The following CLVS1 variants were observed in gnomAD, a reference collection of about 807,000 sequenced individuals.
CLVS1 encodes clavesin-1.
A neutral mutation model predicts 33.1 loss-of-function variants in CLVS1; 10 were observed. That is an observed-to-expected ratio of 0.30 (90% CI 0.19 to 0.51). CLVS1 has a LOEUF of 0.51. Among genes scored for constraint, CLVS1 ranks in the 20% least tolerant of loss-of-function variants. The probability of loss-of-function intolerance (pLI) is 0.97; values close to 1 mark genes in which losing one functional copy is unlikely to be tolerated. For missense variants in CLVS1, 343 were observed against 433.4 expected (o/e 0.79, Z 1.85); for synonymous variants, 163 against 166.1 (o/e 0.98, Z 0.14).
At chr8:61,385,116 A>AGAAGT (rs1814029339) in intron 3 of CLVS1, among the ~76,000 whole-genome samples, 1 of 152,202 alleles carries the variant, frequency 6.6e-6, no homozygotes, top group Non-Finnish European at 1.5e-5. Context: ...TGGTGGTGGA[A>AGAAGT]GAAGTATTCC....
chr8:61,295,465 G>A (rs763911899), intron 1 of CLVS1, among the ~76,000 whole-genome samples: 5 of 152,284 alleles, frequency 3.3e-5, no homozygotes, highest in Middle Eastern at 3.4e-3. Flanking sequence ...TCCAATGAAG[G>A]AAGGAGGAAA....
chr8:61,146,319 C>T (rs1037434161), intron 2 of CLVS1, among the ~76,000 whole-genome samples: 1 of 152,172 alleles, frequency 6.6e-6, no homozygotes, highest in Non-Finnish European at 1.5e-5. Context: ...CCAAGTTTAA[C>T]CCCTATTTAG....
At chr8:61,177,322 A>T (rs984496679) in intron 2 of CLVS1, among the ~76,000 whole-genome samples, 12 of 152,042 alleles carry the variant, frequency 7.9e-5, no homozygotes, top group African/African-American at 2.9e-4. Context: ...CAGGGTCAGA[A>T]CTCTGATCTC....
chr8:61,449,787 C>T (rs1477775690), intron 3 of CLVS1, among the ~76,000 whole-genome samples: 1 of 152,108 alleles, frequency 6.6e-6, no homozygotes, highest in African/African-American at 2.4e-5. Context: ...CTATTGTGTC[C>T]TTCCTTGATC....
chr8:61,220,799 A>C (rs937800818), intron 2 of CLVS1, among the ~76,000 whole-genome samples: 2 of 152,060 alleles, frequency 1.3e-5, no homozygotes, highest in African/African-American at 2.4e-5. Context: ...TGAGCATGGA[A>C]TGTTTTTCCA....
chr8:61,191,811 A>T (rs988946768), intron 2 of CLVS1, among the ~76,000 whole-genome samples: 1 of 152,170 alleles, frequency 6.6e-6, no homozygotes, highest in Non-Finnish European at 1.5e-5. Context: ...TAGGAATCCA[A>T]CTTACAAGGG....
rs189268361 is a variant in CLVS1, at chr8:61,138,660, C to A, written c.-152+6800C>A. On this transcript the variant is annotated intron_variant, in intron 2 of 2. Coordinates refer to the CLVS1 transcript ENST00000522621. ...TGGGGGGATAGGGGTCCAGTGGGTC[C>A]CCAGGAGTCCAGCGCTGGCAGTGGT... is the stretch of plus-strand genomic sequence containing the variant. 2.5e-3 allele frequency among the ~76,000 whole-genome samples: 378 copies of A among 151,886 alleles called. 1 individual carries two copies. The highest frequency in any genetic ancestry group is 5.5e-3 in the Admixed American group (84 of 15,282).
the CLVS1 span, among the ~76,000 whole-genome samples, chr8:61,048,092 T>G: frequency 1.3e-5 from 2 of 152,184 alleles, no homozygotes; most frequent in Non-Finnish European, 2.9e-5. Context: ...TTTGGGGTTT[T>G]GATGCACCTC....
At chr8:61,151,761 C>T (rs974177451) in intron 2 of CLVS1, among the ~76,000 whole-genome samples, 5 of 152,150 alleles carry the variant, frequency 3.3e-5, no homozygotes, top group Admixed American at 2.0e-4. Context: ...ACAAGTGGCT[C>T]GCAAATATTT....
upstream of CLVS1, among the ~76,000 whole-genome samples, chr8:61,283,558 G>C (rs1487741029): frequency 6.6e-6 from 1 of 152,124 alleles, no homozygotes; most frequent in Non-Finnish European, 1.5e-5. Context: ...ACCACTTCTA[G>C]GAGTGAGTGA....
chr8:61,297,524 A>G (rs1182200001), intron 1 of CLVS1, among the ~76,000 whole-genome samples: 1 of 152,196 alleles, frequency 6.6e-6, no homozygotes. Context: ...GTCATTCACT[A>G]AAAGACAAAG....
chr8:61,028,215 G>C, the CLVS1 span, among the ~76,000 whole-genome samples: 1 of 152,176 alleles, frequency 6.6e-6, no homozygotes, highest in African/African-American at 2.4e-5. Flanking sequence ...ATGTCGGGAG[G>C]AATCTGTGAA....
chr8:61,481,889 A>G (rs1329583770), intron 5 of CLVS1, among the ~76,000 whole-genome samples: 1 of 152,220 alleles, frequency 6.6e-6, no homozygotes, highest in East Asian at 1.9e-4. Context: ...GAGAGTGGAC[A>G]GTCTGCCTCC....
chr8:61,006,291 G>A, the CLVS1 span, among the ~76,000 whole-genome samples: 1 of 152,202 alleles, frequency 6.6e-6, no homozygotes, highest in African/African-American at 2.4e-5. Context: ...TGTCTGCTTG[G>A]TGTGGGAGGG....
At chr8:61,158,922 G>C (rs1273044016) in intron 2 of CLVS1, among the ~76,000 whole-genome samples, 1 of 152,132 alleles carries the variant, frequency 6.6e-6, no homozygotes, top group Non-Finnish European at 1.5e-5. Context: ...AACCTCCTGG[G>C]CCCAAGTGAT....
chr8:60,998,107 C>T, the CLVS1 span, among the ~76,000 whole-genome samples: 6 of 152,074 alleles, frequency 3.9e-5, no homozygotes, highest in African/African-American at 7.2e-5. Flanking sequence ...TGTGTGGACT[C>T]GTAGTTGAGT....
intron 3 of CLVS1, among the ~76,000 whole-genome samples, chr8:61,422,383 C>T (rs1259766527): frequency 6.6e-6 from 1 of 152,178 alleles, no homozygotes; most frequent in East Asian, 1.9e-4. Context: ...GTGATGTCTC[C>T]ATCATGGGGA....
At chr8:61,031,513 C>G in the CLVS1 span, among the ~76,000 whole-genome samples, 3 of 152,222 alleles carry the variant, frequency 2.0e-5, no homozygotes, top group Non-Finnish European at 2.9e-5. Context: ...TGAAAAGCAC[C>G]AGAGTAATTT....
At chr8:61,164,488 C>T (rs115595809) in intron 2 of CLVS1, among the ~76,000 whole-genome samples, 2,132 of 152,226 alleles carry the variant, frequency 0.014, 46 homozygotes, top group African/African-American at 0.049. Context: ...TTGCCCTTGC[C>T]CCAACATCTG....
Sources: gnomAD v4.1 joint callset for allele counts (sites outside exome capture counted in the v4.1 genomes callset) on GRCh38, gnomAD v4.1.1 for gene constraint, MANE v1.5 for transcripts, NCBI Gene and HGNC (gene_info 2026-07-23, HGNC 2026-07-21) for gene names.